The following TBC1D24 variants were observed in gnomAD, a reference collection of about 807,000 sequenced individuals.
TBC1D24 encodes Infantile myoclonic epilepsy.
Under a neutral mutation model 50.7 loss-of-function variants are expected in TBC1D24, and 47 were observed. That is an observed-to-expected ratio of 0.93 (90% CI 0.73 to 1.18). The LOEUF (loss-of-function observed/expected upper bound fraction) is 1.18. TBC1D24 is among the 50% of genes most tolerant of loss of function. The probability of loss-of-function intolerance (pLI) is 0.00; values close to 1 mark genes in which losing one functional copy is unlikely to be tolerated. For missense variants in TBC1D24, 688 were observed against 766.5 expected, an observed-to-expected ratio of 0.90 and a Z score of 1.21; for synonymous variants, 324 against 335.2, an observed-to-expected ratio of 0.97 and a Z score of 0.36.
rs1023535348 is a variant in TBC1D24 at position 2,486,273 on chromosome 16, C to T, written c.-115-9761C>T. Among the ~76,000 whole-genome samples the T allele has an allele frequency of 1.3e-5, 2 of 152,210 alleles. No individual in the cohort carries two copies. Among genetic ancestry groups the T allele is most frequent in the African/African-American group, 4.8e-5 (2 of 41,452 alleles). ...CCTTCCTGTGGTCCCTAGCTGCGGG[C>T]GTTGGCGTTCCCCACCCATGGGGCC... On this transcript the variant is annotated intron_variant, in intron 1 of 7. Transcript: ENST00000646147. This position sits in a 1 kb window ranked among gnomAD's most constrained non-coding sequence, Gnocchi z 5.8.
rs747915584 is a variant in TBC1D24 at position 2,496,392 on chromosome 16, G to A, written c.244G>A (p.Val82Met). The A allele has an allele frequency of 1.3e-5, 21 of 1,613,122 alleles. No homozygotes were observed. The highest frequency in any genetic ancestry group is 2.2e-5 in the East Asian group (1 of 44,890). The part of the protein sequence containing the change: ...SVYSDIVGKI[V>M]GKHSSSCLPL... ...GTACAGCGACATCGTGGGCAAGATC[G>A]TGGGCAAGCACAGCAGCAGCTGCCT... The change falls in exon 2 of 8, where the codon GTG (valine) becomes ATG (methionine). Residue 82 changes from valine to methionine, a missense_variant. Transcript: ENST00000646147.
At chr16:2,491,109 T>C (rs567775164) in intron 1 of TBC1D24, among the ~76,000 whole-genome samples, 4 of 152,310 alleles carry the variant, frequency 2.6e-5, no homozygotes, top group African/African-American at 9.6e-5. Context: ...GTTGCCAGTT[T>C]AAAGAAAACC....
chr16:2,492,936 T>C (rs1286549659), intron 1 of TBC1D24, among the ~76,000 whole-genome samples: 2 of 151,412 alleles, frequency 1.3e-5, no homozygotes, highest in Non-Finnish European at 2.9e-5. Flanking sequence ...CTACTAAAAA[T>C]ACAAAATTAG....
chr16:2,481,682 G>T (rs1231324002), intron 1 of TBC1D24: 2 of 152,294 alleles, frequency 1.3e-5, no homozygotes, highest in African/African-American at 4.8e-5. Flanking sequence ...GCCAGCTCCA[G>T]CCCCTGCCTT....
At chr16:2,491,058 G>A (rs2065691414) in intron 1 of TBC1D24, among the ~76,000 whole-genome samples, 1 of 152,216 alleles carries the variant, frequency 6.6e-6, no homozygotes, top group African/African-American at 2.4e-5. Flanking sequence ...GATAGTTTAT[G>A]TTTTTGATCA....
chr16:2,476,976 A>G (rs2065574103), intron 1 of TBC1D24: 1 of 152,382 alleles, frequency 6.6e-6, no homozygotes, highest in African/African-American at 2.4e-5. Flanking sequence ...CTCAGAAAAC[A>G]TATTAAATGT....
At position 2,500,447 on chromosome 16, in the gene TBC1D24, C is replaced by T. The variant is rs373862230; in HGVS notation, c.1482C>T (p.Thr494=). The change falls in exon 7 of 8, where the codon ACC becomes ACT. Residue 494 remains threonine (T), a synonymous_variant. Coordinates refer to ENST00000646147, the MANE Select transcript of TBC1D24 (RefSeq NM_001199107.2). The surrounding 1 kb of genome is among the most constrained non-coding windows in gnomAD (Gnocchi z 8.0). ...AARHFNLPSK[T]ESMFMAGGSD... is the part of the protein sequence containing the mutation. ...GCCACTTCAACCTGCCCTCCAAGACCGAGTCCATGTTCATGGCGGGGGGCA... is the reference window on the plus strand; with the variant it reads ...GCCACTTCAACCTGCCCTCCAAGACTGAGTCCATGTTCATGGCGGGGGGCA... The T allele has an allele frequency of 1.4e-5, 23 of 1,599,688 alleles. No individual in the cohort carries two copies. The highest frequency in any genetic ancestry group is 3.4e-5 in the South Asian group (3 of 88,568).
rs923905775 is a variant in TBC1D24 at position 2,504,257 on chromosome 16, C to T, written c.*3299C>T. The T allele has an allele frequency of 6.6e-6, 1 of 152,014 alleles. No homozygotes were observed. The highest frequency in any genetic ancestry group is 2.4e-5 in the African/African-American group (1 of 41,378). 9.4% of individuals were successfully genotyped at this position (152,014 alleles called of 1,614,324 possible). A position where few individuals can be genotyped will look rare whatever the true frequency, so the allele number is the denominator to read the frequency against. On this transcript the variant is annotated 3_prime_UTR_variant, in exon 8 of 8. Coordinates refer to ENST00000646147, the MANE Select transcript of TBC1D24 (RefSeq NM_001199107.2). ...TTATATTTAGTAATTTAGTTGTGTACCTTTTTATTTTGAAGTAATTTTTGA... is the reference window on the plus strand; with the variant it reads ...TTATATTTAGTAATTTAGTTGTGTATCTTTTTATTTTGAAGTAATTTTTGA...
At position 2,486,400 on chromosome 16, in the gene TBC1D24, C is replaced by A. The variant is rs908277916; in HGVS notation, c.-115-9634C>A. On this transcript the variant is annotated intron_variant, in intron 1 of 7. Coordinates refer to ENST00000646147, the MANE Select transcript of TBC1D24 (RefSeq NM_001199107.2). The surrounding 1 kb of genome is among the most constrained non-coding windows in gnomAD (Gnocchi z 5.8). ...AAGAAGTGAGACGAGCGGCAGCTGA[C>A]GCCCATGCCCTGTTCTGTGGCCCGT... Among the ~76,000 whole-genome samples, 1 of 152,258 alleles carries A rather than the reference C, an allele frequency of 6.6e-6. No individual in the cohort carries two copies. The highest frequency in any genetic ancestry group is 1.5e-5 in the Non-Finnish European group (1 of 68,036).
intron 1 of TBC1D24, chr16:2,479,164 T>C (rs577733909): frequency 3.3e-5 from 5 of 152,352 alleles, no homozygotes; most frequent in Non-Finnish European, 7.3e-5. Context: ...AAGGCTGGGA[T>C]TACAGGCATG....
At position 2,499,559 on chromosome 16, in the gene TBC1D24, G is replaced by T. The variant is rs2065772971; in HGVS notation, c.1206+139G>T. The T allele has an allele frequency of 1.2e-6, 1 of 803,514 alleles. No homozygotes were observed. The highest frequency in any genetic ancestry group is 2.1e-6 in the Non-Finnish European group (1 of 475,848). The allele number at this position is 803,514 out of a possible 1,614,324, so 49.8% of individuals were successfully genotyped here. A position where few individuals can be genotyped will look rare whatever the true frequency, so the allele number is the denominator to read the frequency against. ...CAGAGTCAGAGCGTGGGTATGGCCA[G>T]CACATGGGGCTCATCCCACACTCAG... On this transcript the variant is annotated intron_variant, in intron 5 of 7. Coordinates refer to ENST00000646147, the MANE Select transcript of TBC1D24 (RefSeq NM_001199107.2). The surrounding 1 kb of genome is among the most constrained non-coding windows in gnomAD (Gnocchi z 4.0).
chr16:2,498,803 C>T lies in TBC1D24; in HGVS notation c.1142+407C>T, dbSNP rs142636385. Among the ~76,000 whole-genome samples, 273 of 152,362 alleles carry T rather than the reference C, an allele frequency of 1.8e-3. 2 individuals carry two copies. The highest frequency in any genetic ancestry group is 6.1e-3 in the African/African-American group (253 of 41,582). Reference sequence around the variant, plus strand: ...CTGCCAGGTGCAGCCAGGGAGCCTCCCTCCAGCCTTGGACAGCATGTGGCC... The same window carrying T: ...CTGCCAGGTGCAGCCAGGGAGCCTCTCTCCAGCCTTGGACAGCATGTGGCC... On this transcript the variant is annotated intron_variant, in intron 4 of 7. Coordinates refer to ENST00000646147, the MANE Select transcript of TBC1D24 (RefSeq NM_001199107.2).
chr16:2,477,556 C>T (rs1344110012), intron 1 of TBC1D24: 5 of 152,252 alleles, frequency 3.3e-5, no homozygotes, highest in African/African-American at 9.6e-5. Context: ...CAGAGTGAGA[C>T]CCTGTCTCTG....
intron 1 of TBC1D24, chr16:2,480,229 C>G (rs1474097880): frequency 6.6e-6 from 1 of 152,240 alleles, no homozygotes; most frequent in Non-Finnish European, 1.5e-5. Context: ...CTCCTGGGCT[C>G]AAGCCATCCT....
In TBC1D24 at chr16:2,475,221, G is replaced by A. The variant is rs2065556033; in HGVS notation, c.-116+51G>A. On this transcript the variant is annotated intron_variant, in intron 1 of 7. Coordinates refer to ENST00000646147, the MANE Select transcript of TBC1D24 (RefSeq NM_001199107.2). This position sits in a 1 kb window ranked among gnomAD's most constrained non-coding sequence, Gnocchi z 4.2. The stretch of plus-strand genomic sequence containing the variant: ...GGCGCGCGGCGGGGTGGCGGGTGGC[G>A]GGGCCGGGTCCCCGCTGTCACCGCG... 1.3e-5 allele frequency: 2 copies of A among 149,322 alleles called. No homozygotes were observed. The highest frequency in any genetic ancestry group is 1.5e-5 in the Non-Finnish European group (1 of 66,628). The allele number at this position is 149,322 out of a possible 1,614,324, so 9.2% of individuals were successfully genotyped here.
At position 2,496,105 on chromosome 16, in the gene TBC1D24, C is replaced by T. The variant is rs980358076; in HGVS notation, c.-44C>T. 1.2e-6 allele frequency: 2 copies of T among 1,611,842 alleles called. No homozygotes were observed. On this transcript the variant is annotated 5_prime_UTR_variant, in exon 2 of 8. Coordinates refer to ENST00000646147, the MANE Select transcript of TBC1D24 (RefSeq NM_001199107.2). ...CTGGAGGATTTAGCCACTCTGTCCT[C>T]CCCTTCCGGCAGTCCAGGGCCTCCT...
chr16:2,500,873 C>A lies in TBC1D24; in HGVS notation c.1595C>A (p.Thr532Asn). The change falls in exon 8 of 8, where the codon ACC becomes AAC. Residue 532 changes from threonine (T) to asparagine (N), a missense_variant. Transcript: ENST00000646147. This position sits in a 1 kb window ranked among gnomAD's most constrained non-coding sequence, Gnocchi z 8.0. ...CGGGGCCGCACAAGCCACTGCGACA[C>A]CTTCAACAACCAGCCCCTCTGCTCC... ...LNRGRTSHCDTFNNQPLCSEN... is the reference protein window; with the variant it reads ...LNRGRTSHCDNFNNQPLCSEN... 1 of 1,613,028 alleles carries A rather than the reference C, an allele frequency of 6.2e-7. No homozygotes were observed. The highest frequency in any genetic ancestry group is 8.5e-7 in the Non-Finnish European group (1 of 1,179,966).
rs745596227 is a variant in TBC1D24 at position 2,500,274 on chromosome 16, C to T, written c.1309C>T (p.Pro437Ser). ...CACTCCCCTTCCACCCCAGCTGCAG[C>T]CTGAGGTGCAGCGCTACGAGTGGGT... is the stretch of plus-strand genomic sequence containing the variant. Reference protein sequence around the residue: ...TGECFVFRLQPEVQRYEWVVI... With the variant: ...TGECFVFRLQSEVQRYEWVVI... Residue 437 changes from proline (P) to serine (S), a missense_variant, in exon 7 of 8, where the codon CCT becomes TCT. Pro to Ser is a moderately conservative substitution (Grantham distance 74, BLOSUM62 -1). Coordinates refer to ENST00000646147, the MANE Select transcript of TBC1D24 (RefSeq NM_001199107.2). This position sits in a 1 kb window ranked among gnomAD's most constrained non-coding sequence, Gnocchi z 8.0. The T allele has an allele frequency of 1.9e-6, 3 of 1,603,900 alleles. No homozygotes were observed. Among genetic ancestry groups the T allele is most frequent in the South Asian group, 1.1e-5 (1 of 89,038 alleles).
rs749247043 is a variant in TBC1D24 at position 2,499,888 on chromosome 16, CA to C, written c.1263del (p.Lys421AsnfsTer26). On this transcript the variant is annotated frameshift_variant, in exon 6 of 8. Coordinates refer to ENST00000646147, the MANE Select transcript of TBC1D24 (RefSeq NM_001199107.2). LOFTEE classifies it high-confidence loss of function. The surrounding 1 kb of genome is among the most constrained non-coding windows in gnomAD (Gnocchi z 4.0). ...DWSERNKFGGKLGFFGTGECF... is the reference protein window; with the variant it reads ...DWSERNKFGGXLGFFGTGECF... ...GGAGTGAGAGAAATAAGTTTGGAGG[CA>C]AACTGGGCTTCTTTGGGACCGGAGA... 1.2e-6 allele frequency: 2 copies of C among 1,614,096 alleles called. No individual in the cohort carries two copies.
Sources: allele counts gnomAD v4.1 joint callset (sites outside exome capture counted in the v4.1 genomes callset), GRCh38; gene constraint gnomAD v4.1.1; non-coding constraint Gnocchi (gnomAD v3.1); transcripts MANE v1.5; gene names NCBI Gene and HGNC (gene_info 2026-07-23, HGNC 2026-07-21).